The following SLC49A4 variants were observed in gnomAD, a reference collection of about 807,000 sequenced individuals.
SLC49A4 encodes disrupted in renal cancer protein 2.
In SLC49A4, 36 loss-of-function variants were observed where a neutral mutation model predicts 50.6. The observed-to-expected ratio is 0.71, with a 90% CI of 0.55 to 0.94. SLC49A4 has a LOEUF of 0.94. SLC49A4 is among the 40% of genes least tolerant of loss of function. SLC49A4 has a pLI of 0.00. For synonymous variants in SLC49A4, 248 were observed against 241.2 expected, an observed-to-expected ratio of 1.03 and a Z score of -0.26; for missense variants, 503 against 605.7, an observed-to-expected ratio of 0.83 and a Z score of 1.78.
chr3:122,873,496 A>T (rs6794016), intron 8 of SLC49A4, among the ~76,000 whole-genome samples: 15,215 of 152,264 alleles, frequency 0.1, 1,026 homozygotes, highest in East Asian at 0.35. Context: ...TTTCAAAGCC[A>T]GTGTGAAACA....
chr3:122,806,140 T>C (rs1269743688), intron 1 of SLC49A4, among the ~76,000 whole-genome samples: 5 of 152,210 alleles, frequency 3.3e-5, no homozygotes, highest in Admixed American at 1.3e-4. Flanking sequence ...AAATACTTTT[T>C]AGGGACAGTT....
At chr3:122,827,790 C>T (rs1936553852) in intron 3 of SLC49A4, among the ~76,000 whole-genome samples, 1 of 152,110 alleles carries the variant, frequency 6.6e-6, no homozygotes, top group African/African-American at 2.4e-5. Context: ...AATTATAATA[C>T]AAGTAGAGAT....
chr3:122,843,288 C>T (rs1194570427), intron 4 of SLC49A4, among the ~76,000 whole-genome samples: 5 of 151,726 alleles, frequency 3.3e-5, no homozygotes, highest in South Asian at 2.1e-4. Flanking sequence ...CCCCATAAGT[C>T]GGTATCAACA....
At chr3:122,864,517 T>C (rs1437307858) in intron 7 of SLC49A4, among the ~76,000 whole-genome samples, 1 of 152,178 alleles carries the variant, frequency 6.6e-6, no homozygotes, top group Non-Finnish European at 1.5e-5. Flanking sequence ...AATTTGACTG[T>C]TTGACAGAAG....
At chr3:122,824,733 T>C (rs1293322226) in intron 2 of SLC49A4, among the ~76,000 whole-genome samples, 3 of 142,332 alleles carry the variant, frequency 2.1e-5, no homozygotes, top group African/African-American at 7.8e-5. Flanking sequence ...TTTCCTTCTT[T>C]TTTTTTTTTT....
intron 3 of SLC49A4, among the ~76,000 whole-genome samples, chr3:122,831,964 AC>A (rs1936614380): frequency 6.7e-6 from 1 of 148,560 alleles, no homozygotes; most frequent in Admixed American, 6.7e-5. Context: ...GACTGAAAAC[AC>A]CAAAAAAAAA....
chr3:122,869,056 T>A (rs1228405609), intron 7 of SLC49A4, among the ~76,000 whole-genome samples: 1 of 152,222 alleles, frequency 6.6e-6, no homozygotes, highest in African/African-American at 2.4e-5. Flanking sequence ...TCTGAGCTAA[T>A]GAGCTCACAA....
chr3:122,844,338 G>T (rs1349375517), intron 4 of SLC49A4, among the ~76,000 whole-genome samples: 1 of 152,076 alleles, frequency 6.6e-6, no homozygotes, highest in Non-Finnish European at 1.5e-5. Flanking sequence ...CTCCCAAAGT[G>T]CTGAGATTAC....
intron 4 of SLC49A4, among the ~76,000 whole-genome samples, chr3:122,844,952 G>A (rs1298504504): frequency 6.6e-6 from 1 of 151,876 alleles, no homozygotes; most frequent in Non-Finnish European, 1.5e-5. Context: ...GTATATGTGT[G>A]TATATATACA....
chr3:122,821,396 G>C (rs728298), intron 2 of SLC49A4, among the ~76,000 whole-genome samples: 68,580 of 151,862 alleles, frequency 0.45, 16,302 homozygotes, highest in South Asian at 0.55. Flanking sequence ...AGGGAGTTGG[G>C]GGCCGTGGGT....
chr3:122,803,424 G>A (rs1936162688), intron 1 of SLC49A4, among the ~76,000 whole-genome samples: 1 of 152,172 alleles, frequency 6.6e-6, no homozygotes, highest in East Asian at 1.9e-4. Context: ...GTCTCATTAG[G>A]GGATGTATAA....
At chr3:122,813,580 G>A (rs1056314955) in intron 2 of SLC49A4, among the ~76,000 whole-genome samples, 1 of 152,128 alleles carries the variant, frequency 6.6e-6, no homozygotes, top group Non-Finnish European at 1.5e-5. Context: ...AGTAGACCGA[G>A]TTGAAATTTA....
chr3:122,866,204 G>GTTT (rs34457229), intron 7 of SLC49A4, among the ~76,000 whole-genome samples: 5 of 123,504 alleles, frequency 4.0e-5, no homozygotes, highest in Non-Finnish European at 5.1e-5. Context: ...AACTTTCGTT[G>GTTT]TTTTTTTTTT....
intron 3 of SLC49A4, 133 bp downstream of exon 3, chr3:122,827,198 G>T: frequency 1.0e-6 from 1 of 956,420 alleles, no homozygotes. Context: ...CATGCACTGT[G>T]CATTCCTTGT....
intron 4 of SLC49A4, among the ~76,000 whole-genome samples, chr3:122,837,105 A>T (rs559777898): frequency 6.6e-6 from 1 of 152,362 alleles, no homozygotes; most frequent in South Asian, 2.1e-4. Context: ...ATGGGTTGGA[A>T]GAATCAATAT....
rs1936963084 is a variant in SLC49A4, at chr3:122,854,664, TC to T, written c.943-1641del. Reference sequence around the variant, plus strand: ...GTGGCACACTTCACTTATGCTCACTTCCATTAATGAGAACTGACACATGGTC... The same window carrying T: ...GTGGCACACTTCACTTATGCTCACTTCATTAATGAGAACTGACACATGGTC... On this transcript the variant is annotated intron_variant, in intron 5 of 8. Coordinates refer to ENST00000261038, the MANE Select transcript of SLC49A4 (RefSeq NM_032839.3). Among the ~76,000 whole-genome samples the T allele has an allele frequency of 5.3e-5, 8 of 152,288 alleles. No individual in the cohort carries two copies. The South Asian group carries it at 1.7e-3, about 32-fold the overall frequency.
chr3:122,823,776 T>G (rs1462718605), intron 2 of SLC49A4, among the ~76,000 whole-genome samples: 2 of 152,250 alleles, frequency 1.3e-5, no homozygotes, highest in Non-Finnish European at 2.9e-5. Context: ...TTAGACTTAA[T>G]GTATAAAGCA....
At chr3:122,848,450 AGAGTTTT>A (rs1936885699) in intron 5 of SLC49A4, among the ~76,000 whole-genome samples, 1 of 152,064 alleles carries the variant, frequency 6.6e-6, no homozygotes, top group Non-Finnish European at 1.5e-5. Context: ...GATTTCTGTT[AGAGTTTT>A]TATATTTACA....
chr3:122,814,631 G>A (rs1175463367), intron 2 of SLC49A4, among the ~76,000 whole-genome samples: 1 of 152,164 alleles, frequency 6.6e-6, no homozygotes, highest in Admixed American at 6.5e-5. Context: ...GCTCAATAAG[G>A]TAGAAGTTCA....
Sources: allele counts gnomAD v4.1 joint callset (sites outside exome capture counted in the v4.1 genomes callset), GRCh38; gene constraint gnomAD v4.1.1; transcripts MANE v1.5; gene names NCBI Gene and HGNC (gene_info 2026-07-23, HGNC 2026-07-21).